KLHL3: variants seen among roughly 807,000 people sequenced by gnomAD.
The protein encoded by KLHL3 is kelch-like protein 3.
Under a neutral mutation model 70.5 loss-of-function variants are expected in KLHL3, and 19 were observed. The ratio of observed to expected loss-of-function variants is 0.27; its 90% CI spans 0.19 to 0.40. The LOEUF is 0.40. KLHL3 is among the 10% of genes least tolerant of loss of function. The pLI is 1.00. For missense variants in KLHL3, 512 were observed against 771.1 expected, an observed-to-expected ratio of 0.66 and a Z score of 3.98; for synonymous variants, 258 against 290.3, an observed-to-expected ratio of 0.89 and a Z score of 1.13.
At chr5:137,641,357 G>C (rs994565177) in intron 8 of KLHL3, among the ~76,000 whole-genome samples, 7 of 152,208 alleles carry the variant, frequency 4.6e-5, no homozygotes, top group African/African-American at 1.2e-4. Flanking sequence ...CCTATCCCCA[G>C]AGTGTGATTC....
intron 6 of KLHL3, among the ~76,000 whole-genome samples, chr5:137,673,348 C>T (rs1251502622): frequency 1.3e-5 from 2 of 152,090 alleles, no homozygotes; most frequent in South Asian, 2.1e-4. Context: ...ATGTCTTGTT[C>T]GCTGCCTCCG....
intron 1 of KLHL3, among the ~76,000 whole-genome samples, chr5:137,722,273 C>T (rs1753011030): frequency 6.6e-6 from 1 of 152,238 alleles, no homozygotes; most frequent in African/African-American, 2.4e-5. Flanking sequence ...GGCAGACCCA[C>T]AGCTTGTCTG....
rs372130944 is a variant in KLHL3, at chr5:137,622,158, T to C, written c.1736-32A>G. ...AGAAAGGGGGAGAAAGTTATCATCT[T>C]AGCTTCTCCAAAATTACTCAGAGTC... On this transcript the variant is annotated intron_variant, in intron 14 of 14. Transcript: ENST00000309755. 79 of 1,613,414 alleles carry C rather than the reference T, an allele frequency of 4.9e-5. No individual in the cohort carries two copies. In the African/African-American group the frequency reaches 9.7e-4, roughly 20 times the overall value.
chr5:137,628,045 G>A (rs1352794458), intron 13 of KLHL3: 4 of 502,102 alleles, frequency 8.0e-6, no homozygotes, highest in South Asian at 4.2e-5. Flanking sequence ...TCTGTGTGCG[G>A]TAAAAGTCAT....
intron 1 of KLHL3, among the ~76,000 whole-genome samples, chr5:137,727,790 T>C (rs916324081): frequency 6.6e-6 from 1 of 152,190 alleles, no homozygotes; most frequent in Non-Finnish European, 1.5e-5. Flanking sequence ...TCCTTCTGTA[T>C]TGTATTCTAA....
At chr5:137,652,675 G>T (rs1751232421) in intron 8 of KLHL3, among the ~76,000 whole-genome samples, 1 of 152,138 alleles carries the variant, frequency 6.6e-6, no homozygotes, top group Admixed American at 6.5e-5. Flanking sequence ...GGGGTTGGCT[G>T]GGAAGATGTT....
chr5:137,724,461 T>A (rs910480871), intron 1 of KLHL3, among the ~76,000 whole-genome samples: 1 of 152,228 alleles, frequency 6.6e-6, no homozygotes, highest in Admixed American at 6.5e-5. Flanking sequence ...CTGTTGTGTT[T>A]ACCAATGTTG....
chr5:137,711,038 C>T (rs1446718112), intron 2 of KLHL3, among the ~76,000 whole-genome samples: 2 of 152,202 alleles, frequency 1.3e-5, no homozygotes, highest in African/African-American at 4.8e-5. Context: ...GGAGGACAAA[C>T]ACACTTCAAC....
chr5:137,625,701 C>A (rs1383381695), intron 14 of KLHL3, 52 bp downstream of exon 14: 1 of 1,605,016 alleles, frequency 6.2e-7, no homozygotes, highest in South Asian at 1.1e-5. Flanking sequence ...ACCCTCATTC[C>A]CCCAGTGTGT....
At chr5:137,719,382 T>G (rs1426919446) in intron 2 of KLHL3, among the ~76,000 whole-genome samples, 60 of 152,232 alleles carry the variant, frequency 3.9e-4, no homozygotes, top group Non-Finnish European at 4.4e-5. Flanking sequence ...TACTCAAAAG[T>G]TGCCTCTGCC....
At chr5:137,651,490 A>G (rs907998327) in intron 8 of KLHL3, among the ~76,000 whole-genome samples, 4 of 152,230 alleles carry the variant, frequency 2.6e-5, no homozygotes, top group Non-Finnish European at 4.4e-5. Flanking sequence ...ACAATAAAAT[A>G]CCCAGGGATA....
chr5:137,634,368 T>C (rs1409693724), intron 11 of KLHL3, among the ~76,000 whole-genome samples: 2 of 152,240 alleles, frequency 1.3e-5, no homozygotes, highest in East Asian at 1.9e-4. Flanking sequence ...TCTTAAGCCA[T>C]GAGCTCCTTA....
At position 137,735,664 on chromosome 5, in the gene KLHL3, G is replaced by A; in HGVS notation, c.-18C>T. ...CCCTCCATTGTGTGAGGCCCAGCCA[G>A]GGTGGTAGCTGCTGAACTGTGTATG... On this transcript the variant is annotated 5_prime_UTR_variant, in exon 1 of 15. Transcript: ENST00000309755. The A allele has an allele frequency of 6.2e-7, 1 of 1,614,072 alleles. No homozygotes were observed. The highest frequency in any genetic ancestry group is 8.5e-7 in the Non-Finnish European group (1 of 1,179,914).
intron 1 of KLHL3, among the ~76,000 whole-genome samples, chr5:137,725,918 A>C (rs1435702821): frequency 1.3e-5 from 2 of 152,176 alleles, no homozygotes; most frequent in Admixed American, 1.3e-4. Flanking sequence ...GAAGACATAC[A>C]TGTGAGACAG....
intron 12 of KLHL3, among the ~76,000 whole-genome samples, chr5:137,633,158 T>C (rs1356262273): frequency 6.6e-6 from 1 of 151,506 alleles, no homozygotes; most frequent in Non-Finnish European, 1.5e-5. Context: ...TGGGTGCCTG[T>C]AGTCCCAGCT....
At chr5:137,656,737 C>A (rs1751354110) in intron 8 of KLHL3, among the ~76,000 whole-genome samples, 1 of 152,380 alleles carries the variant, frequency 6.6e-6, no homozygotes, top group South Asian at 2.1e-4. Context: ...CTGCACTAGG[C>A]AACGTGAGGC....
chr5:137,710,789 A>G (rs896483942), intron 2 of KLHL3, among the ~76,000 whole-genome samples: 2 of 152,172 alleles, frequency 1.3e-5, no homozygotes, highest in African/African-American at 4.8e-5. Flanking sequence ...ACTTTTTTAC[A>G]CATATTACTT....
chr5:137,620,957 TC>T lies in KLHL3; in HGVS notation c.*1140del, dbSNP rs1050834535. The T allele has an allele frequency of 1.1e-4, 17 of 152,222 alleles. No individual in the cohort carries two copies. Among genetic ancestry groups the T allele is most frequent in the Non-Finnish European group, 2.9e-5 (2 of 68,046 alleles). The allele number at this position is 152,222 out of a possible 1,614,324, so 9.4% of individuals were successfully genotyped here. On this transcript the variant is annotated 3_prime_UTR_variant, in exon 15 of 15. Coordinates refer to ENST00000309755, the MANE Select transcript of KLHL3 (RefSeq NM_017415.3). ...CCAAGGGCCAGCTCTAGTGGTATAT[TC>T]CTTTGAAGCCATCCAATGTCCATCT...
chr5:137,671,425 C>T (rs1416805145), intron 6 of KLHL3, among the ~76,000 whole-genome samples: 1 of 152,090 alleles, frequency 6.6e-6, no homozygotes, highest in Non-Finnish European at 1.5e-5. Flanking sequence ...GTTTTCAGTC[C>T]GTCTGCCCAC....
Sources: gnomAD v4.1 joint callset for allele counts (sites outside exome capture counted in the v4.1 genomes callset) on GRCh38, gnomAD v4.1.1 for gene constraint, MANE v1.5 for transcripts, NCBI Gene and HGNC (gene_info 2026-07-23, HGNC 2026-07-21) for gene names.